CDC73: variants seen among roughly 807,000 people sequenced by gnomAD.
CDC73 encodes the protein cell division cycle 73.
In CDC73, 21 loss-of-function variants were observed where a neutral mutation model predicts 83.7. The observed-to-expected ratio is 0.25, with a 90% CI of 0.18 to 0.36. The LOEUF (loss-of-function observed/expected upper bound fraction) is 0.36. Among genes scored for constraint, CDC73 ranks in the 10% least tolerant of loss-of-function variants. The pLI is 1.00. For synonymous variants in CDC73, 224 were observed against 212.9 expected (o/e 1.05, Z -0.45); for missense variants, 342 against 653.3 (o/e 0.52, Z 5.19).
At chr1:193,199,126 A>G (rs72740227) in intron 10 of CDC73, among the ~76,000 whole-genome samples, 6,612 of 152,332 alleles carry the variant, frequency 0.043, 139 homozygotes, top group African/African-American at 0.05. Context: ...ATATACCTCA[A>G]GGTTATAAGA....
chr1:193,151,510 T>C (rs929221106), intron 9 of CDC73, among the ~76,000 whole-genome samples: 3 of 152,246 alleles, frequency 2.0e-5, no homozygotes, highest in Admixed American at 1.3e-4. Flanking sequence ...AATACAGAAT[T>C]GGGCAGTTGT....
At chr1:193,234,313 A>G (rs962971377) in intron 14 of CDC73, among the ~76,000 whole-genome samples, 6 of 21,374 alleles carry the variant, frequency 2.8e-4, no homozygotes, top group Admixed American at 2.5e-3. Flanking sequence ...ATAATTTAAA[A>G]TATATATATA....
intron 15 of CDC73, among the ~76,000 whole-genome samples, chr1:193,238,975 A>T (rs998445535): frequency 1.3e-5 from 2 of 152,200 alleles, no homozygotes; most frequent in Non-Finnish European, 2.9e-5. Context: ...GATCAAATGT[A>T]TATGGTTATG....
chr1:193,249,290 ACT>A (rs1159728628), intron 15 of CDC73, among the ~76,000 whole-genome samples: 4 of 152,034 alleles, frequency 2.6e-5, no homozygotes, highest in Non-Finnish European at 4.4e-5. Context: ...GGGGATGTAC[ACT>A]GTTTTTTAGA....
intron 10 of CDC73, among the ~76,000 whole-genome samples, chr1:193,171,372 C>A (rs1676516099): frequency 6.6e-6 from 1 of 152,190 alleles, no homozygotes; most frequent in South Asian, 2.1e-4. Flanking sequence ...GTCTCATAGA[C>A]TGAAGTCAAG....
chr1:193,152,301 A>G (rs1425842631), intron 9 of CDC73, 79 bp from the exon 10 acceptor site: 5 of 874,224 alleles, frequency 5.7e-6, no homozygotes, highest in Non-Finnish European at 9.6e-6. Context: ...TTCAATGTAG[A>G]TTATTACTTT....
At chr1:193,211,024 T>C (rs1677268938) in intron 11 of CDC73, among the ~76,000 whole-genome samples, 1 of 152,210 alleles carries the variant, frequency 6.6e-6, no homozygotes. Flanking sequence ...ACAGTGGTAA[T>C]CAGCTTATTA....
At chr1:193,221,331 C>A (rs1677466052) in intron 13 of CDC73, among the ~76,000 whole-genome samples, 1 of 152,084 alleles carries the variant, frequency 6.6e-6, no homozygotes, top group Non-Finnish European at 1.5e-5. Flanking sequence ...CATATCCACG[C>A]CTGGGACTCG....
At chr1:193,176,793 C>T (rs1572177063) in intron 10 of CDC73, among the ~76,000 whole-genome samples, 1 of 152,050 alleles carries the variant, frequency 6.6e-6, no homozygotes, top group South Asian at 2.1e-4. Context: ...GGTAGGTGAC[C>T]AAACAGTAGG....
chr1:193,195,410 TAG>T (rs1280958077), intron 10 of CDC73, among the ~76,000 whole-genome samples: 1 of 152,194 alleles, frequency 6.6e-6, no homozygotes, highest in Non-Finnish European at 1.5e-5. Flanking sequence ...TGACGTTCAT[TAG>T]AGTTATTCCT....
intron 10 of CDC73, chr1:193,180,589 T>C (rs1484120678): frequency 1.2e-6 from 2 of 1,614,160 alleles, no homozygotes; most frequent in South Asian, 1.1e-5. Context: ...AAAAATCTTT[T>C]CTGCCAGATC....
At chr1:193,236,750 C>T (rs181833951) in intron 15 of CDC73, 125 of 246,586 alleles carry the variant, frequency 5.1e-4, no homozygotes, top group African/African-American at 2.6e-3. Flanking sequence ...CAAAATTAGC[C>T]GGGCATGGTG....
intron 10 of CDC73, among the ~76,000 whole-genome samples, chr1:193,199,817 A>G (rs896170842): frequency 6.6e-6 from 1 of 152,122 alleles, no homozygotes; most frequent in Non-Finnish European, 1.5e-5. Flanking sequence ...AATAAAGGTA[A>G]AAGCATTCAA....
intron 10 of CDC73, among the ~76,000 whole-genome samples, chr1:193,187,892 A>G (rs1676847222): frequency 6.6e-6 from 1 of 152,216 alleles, no homozygotes; most frequent in African/African-American, 2.4e-5. Context: ...GACTTTTCCT[A>G]GTTAAGTTTG....
chr1:193,178,334 T>C (rs931015497), intron 10 of CDC73, among the ~76,000 whole-genome samples: 2 of 152,150 alleles, frequency 1.3e-5, no homozygotes, highest in African/African-American at 4.8e-5. Flanking sequence ...AGATTTTAAA[T>C]TGAAACTTGA....
In CDC73 at chr1:193,252,643, C is replaced by T. The variant is rs139430054; in HGVS notation, c.*1931C>T. The T allele has an allele frequency of 1.3e-5, 3 of 231,444 alleles. No individual in the cohort carries two copies. In the East Asian group the frequency reaches 1.8e-4, roughly 14 times the overall value. 14.3% of individuals were successfully genotyped at this position (231,444 alleles called of 1,614,324 possible). On this transcript the variant is annotated 3_prime_UTR_variant, in exon 17 of 17. Transcript: ENST00000367435. ...AGGCTATAACCATCTATCTTAAAAT[C>T]AGACCCTTAGTATAAGCACCTCTTT... is the stretch of plus-strand genomic sequence containing the variant.
rs147432971 is a variant in CDC73, at chr1:193,240,234, G to A, written c.1417+3878G>A. On this transcript the variant is annotated intron_variant, in intron 15 of 16. Transcript: ENST00000367435. ...TTATGGCCACACAGTATTTCAGTGT[G>A]TATATATACTACATTTTCTTTATTC... is the stretch of plus-strand genomic sequence containing the variant. 1.3e-3 allele frequency among the ~76,000 whole-genome samples: 203 copies of A among 152,284 alleles called. 1 individual carries two copies. The highest frequency in any genetic ancestry group is 4.6e-3 in the African/African-American group (193 of 41,552).
chr1:193,122,121 G>C lies in CDC73; in HGVS notation c.-80G>C, dbSNP rs1008046982. 7 of 1,416,410 alleles carry C rather than the reference G, an allele frequency of 4.9e-6. No individual in the cohort carries two copies. Among genetic ancestry groups the C allele is most frequent in the Admixed American group, 1.7e-5 (1 of 58,236 alleles). 87.7% of individuals were successfully genotyped at this position (1,416,410 alleles called of 1,614,324 possible). On this transcript the variant is annotated 5_prime_UTR_variant, in exon 1 of 17. Coordinates refer to ENST00000367435, the MANE Select transcript of CDC73 (RefSeq NM_024529.5). ...GGCGGCGAAGGAGGAGGAGGAAGAG[G>C]GCGAGGCGACAAGAGAAGAAGGAGG... is the stretch of plus-strand genomic sequence containing the variant.
chr1:193,151,230 A>G (rs1329824017), intron 9 of CDC73, among the ~76,000 whole-genome samples: 1 of 152,200 alleles, frequency 6.6e-6, no homozygotes, highest in Non-Finnish European at 1.5e-5. Flanking sequence ...TGAAATCTTC[A>G]TTTAAGTTTT....
Sources: allele counts gnomAD v4.1 joint callset (sites outside exome capture counted in the v4.1 genomes callset), GRCh38; gene constraint gnomAD v4.1.1; transcripts MANE v1.5; gene names NCBI Gene and HGNC (gene_info 2026-07-23, HGNC 2026-07-21).